Variants in WWOX observed in about 807,000 individuals in gnomAD.
The protein encoded by WWOX is WW domain-containing oxidoreductase.
A neutral mutation model predicts 46.2 loss-of-function variants in WWOX; 69 were observed. That is an observed-to-expected ratio of 1.49 (90% CI 1.23 to 1.82). The LOEUF (loss-of-function observed/expected upper bound fraction) is 1.82, where lower values mean the gene tolerates loss of function less well. WWOX is among the 40% of genes most tolerant of loss of function. The pLI, the probability that WWOX is intolerant of heterozygous loss-of-function variation, is 0.00. For synonymous variants in WWOX, 359 were observed against 202.6 expected, an observed-to-expected ratio of 1.77 and a Z score of -6.56; for missense variants, 919 against 542.6, an observed-to-expected ratio of 1.69 and a Z score of -6.89.
chr16:78,480,150 T>A (rs979957698), intron 8 of WWOX, among the ~76,000 whole-genome samples: 6 of 152,176 alleles, frequency 3.9e-5, no homozygotes, highest in Non-Finnish European at 8.8e-5. Flanking sequence ...AAAATGTAAA[T>A]TAATTAAAAT....
At chr16:78,816,868 C>T (rs938031671) in intron 8 of WWOX, among the ~76,000 whole-genome samples, 54 of 152,204 alleles carry the variant, frequency 3.5e-4, no homozygotes, top group African/African-American at 1.2e-3. Flanking sequence ...CAAAATTTTT[C>T]ATCACCTGGT....
intron 8 of WWOX, among the ~76,000 whole-genome samples, chr16:78,785,826 T>C (rs1166330964): frequency 6.6e-6 from 1 of 152,212 alleles, no homozygotes; most frequent in African/African-American, 2.4e-5. Flanking sequence ...CCAAAAAATA[T>C]TTCTTCAATT....
intron 8 of WWOX, among the ~76,000 whole-genome samples, chr16:78,782,686 A>G (rs897878815): frequency 1.7e-5 from 1 of 60,462 alleles, no homozygotes; most frequent in African/African-American, 6.6e-5. Flanking sequence ...TTTTTTTTGC[A>G]TTTTTCCAAT....
At chr16:78,521,521 G>C (rs1291211349) in intron 8 of WWOX, among the ~76,000 whole-genome samples, 1 of 152,168 alleles carries the variant, frequency 6.6e-6, no homozygotes, top group African/African-American at 2.4e-5. Flanking sequence ...CTAATTATGT[G>C]TTTAGGTTTC....
At position 78,922,620 on chromosome 16, in the gene WWOX, C is replaced by T. The variant is rs570241292; in HGVS notation, c.1057-288988C>T. Among the ~76,000 whole-genome samples the T allele has an allele frequency of 3.9e-3, 600 of 152,250 alleles. 2 individuals are homozygous for T. Among genetic ancestry groups the T allele is most frequent in the African/African-American group, 0.014 (579 of 41,552 alleles). ...TCTCGAGCTCCTGACCTTAGGTGAT[C>T]CCCTCACCTTGGCCTCCCAAAGTGC... is the stretch of plus-strand genomic sequence containing the variant. On this transcript the variant is annotated intron_variant, in intron 8 of 8. Coordinates refer to ENST00000566780, the MANE Select transcript of WWOX (RefSeq NM_016373.4).
intron 5 of WWOX, among the ~76,000 whole-genome samples, chr16:78,261,772 G>GATAGA (rs2079239760): frequency 7.7e-6 from 1 of 129,992 alleles, no homozygotes; most frequent in East Asian, 2.2e-4. Context: ...ATCTATCTAT[G>GATAGA]TATCTATCTA....
intron 8 of WWOX, among the ~76,000 whole-genome samples, chr16:78,862,438 G>A (rs2043910610): frequency 1.3e-5 from 2 of 151,694 alleles, no homozygotes; most frequent in East Asian, 1.9e-4. Flanking sequence ...AGTGTATAAT[G>A]TATATATATA....
chr16:78,155,247 A>G (rs994097461), intron 4 of WWOX, among the ~76,000 whole-genome samples: 5 of 151,792 alleles, frequency 3.3e-5, no homozygotes, highest in African/African-American at 1.2e-4. Context: ...GGAGGGAGGA[A>G]GGAAGGAAAG....
chr16:78,457,884 C>G, intron 8 of WWOX, among the ~76,000 whole-genome samples: 1 of 140,678 alleles, frequency 7.1e-6, no homozygotes, highest in South Asian at 2.3e-4. Context: ...CTACTGCACT[C>G]CAGCCTGAGC....
intron 8 of WWOX, among the ~76,000 whole-genome samples, chr16:78,791,490 G>A (rs1034467942): frequency 6.6e-6 from 1 of 152,156 alleles, no homozygotes; most frequent in African/African-American, 2.4e-5. Flanking sequence ...ACTTTGCCCT[G>A]TCGTGGTCTT....
At chr16:79,177,651 A>G (rs1180405654) in intron 8 of WWOX, among the ~76,000 whole-genome samples, 3 of 152,132 alleles carry the variant, frequency 2.0e-5, no homozygotes, top group Non-Finnish European at 4.4e-5. Flanking sequence ...AAGGTTTCTC[A>G]ATGTGTGTTC....
At chr16:78,103,916 C>G (rs1051222029) in intron 1 of WWOX, among the ~76,000 whole-genome samples, 1 of 151,972 alleles carries the variant, frequency 6.6e-6, no homozygotes. Context: ...CTCAAAGGCA[C>G]ACATGTCCTA....
intron 8 of WWOX, among the ~76,000 whole-genome samples, chr16:78,541,508 A>G (rs1182790237): frequency 2.4e-5 from 3 of 123,502 alleles, no homozygotes; most frequent in African/African-American, 8.7e-5. Context: ...AAAAAAAAAG[A>G]CACGTACACA....
chr16:78,126,334 C>G (rs2033359962), intron 4 of WWOX, among the ~76,000 whole-genome samples: 1 of 152,184 alleles, frequency 6.6e-6, no homozygotes, highest in Non-Finnish European at 1.5e-5. Flanking sequence ...TCAAACTGCC[C>G]TGGAAGATTG....
chr16:79,074,386 T>G lies in WWOX; in HGVS notation c.1057-137222T>G, dbSNP rs138191144. Among the ~76,000 whole-genome samples the G allele has an allele frequency of 1.7e-4, 24 of 140,220 alleles. No individual in the cohort carries two copies. In the East Asian group the frequency reaches 3.4e-3, roughly 20 times the overall value. 92.0% of individuals were successfully genotyped at this position (140,220 alleles called of 152,430 possible). A position where few individuals can be genotyped will look rare whatever the true frequency, so the allele number is the denominator to read the frequency against. On this transcript the variant is annotated intron_variant, in intron 8 of 8. Coordinates refer to ENST00000566780, the MANE Select transcript of WWOX (RefSeq NM_016373.4). ...CGTTGTCACTCAAAGCCGAATCTCA[T>G]CCTGACTGAAATGTCACTAGTCCTT...
intron 8 of WWOX, among the ~76,000 whole-genome samples, chr16:78,657,505 G>A (rs1268256609): frequency 1.3e-5 from 2 of 152,298 alleles, no homozygotes; most frequent in East Asian, 1.9e-4. Context: ...AGTAAAAGGA[G>A]AACACAGAAG....
At chr16:78,462,583 C>T (rs2083977353) in intron 8 of WWOX, among the ~76,000 whole-genome samples, 1 of 152,224 alleles carries the variant, frequency 6.6e-6, no homozygotes, top group Admixed American at 6.5e-5. Flanking sequence ...TGAGCGCTCA[C>T]TGAAGTGGAA....
chr16:79,024,588 C>G (rs1349414761), intron 8 of WWOX, among the ~76,000 whole-genome samples: 1 of 152,144 alleles, frequency 6.6e-6, no homozygotes, highest in African/African-American at 2.4e-5. Flanking sequence ...CACCCACCAC[C>G]ATGCCTGGCT....
chr16:78,384,905 G>T (rs1418199652), intron 5 of WWOX, among the ~76,000 whole-genome samples: 1 of 152,056 alleles, frequency 6.6e-6, no homozygotes, highest in Admixed American at 6.5e-5. Flanking sequence ...GGAGGCCGGG[G>T]TGGGTGGATC....
Sources: gnomAD v4.1 joint callset for allele counts (sites outside exome capture counted in the v4.1 genomes callset) on GRCh38, gnomAD v4.1.1 for gene constraint, MANE v1.5 for transcripts, NCBI Gene and HGNC (gene_info 2026-07-23, HGNC 2026-07-21) for gene names.